TESPA1: variants seen among roughly 807,000 people sequenced by gnomAD.
TESPA1 encodes thymocyte expressed, positive selection associated 1, also known as protein TESPA1.
TESPA1 carries 33 observed loss-of-function variants against 57.9 expected under a neutral mutation model. That is an observed-to-expected ratio of 0.57 (90% CI 0.43 to 0.76). The LOEUF (loss-of-function observed/expected upper bound fraction) is 0.76. Among genes scored for constraint, TESPA1 ranks in the 30% least tolerant of loss-of-function variants. The pLI, the probability that TESPA1 is intolerant of heterozygous loss-of-function variation, is 0.00. For missense variants in TESPA1, 618 were observed against 632.9 expected, an observed-to-expected ratio of 0.98 and a Z score of 0.25; for synonymous variants, 227 against 228.9, an observed-to-expected ratio of 0.99 and a Z score of 0.07.
At chr12:54,969,564 G>A (rs932522354) in intron 3 of TESPA1, among the ~76,000 whole-genome samples, 10 of 151,990 alleles carry the variant, frequency 6.6e-5, no homozygotes, top group African/African-American at 2.4e-4. Flanking sequence ...AAAAATGGAA[G>A]CCTCCAAATC....
chr12:54,982,431 A>G (rs1294615248), intron 1 of TESPA1, among the ~76,000 whole-genome samples: 1 of 152,236 alleles, frequency 6.6e-6, no homozygotes, highest in Non-Finnish European at 1.5e-5. Flanking sequence ...TTTCTCCCAC[A>G]AATAAGCGTA....
At position 54,954,862 on chromosome 12, in the gene TESPA1, T is replaced by A. The variant is rs141255872; in HGVS notation, c.*2-4472A>T. Among the ~76,000 whole-genome samples the A allele has an allele frequency of 3.9e-3, 591 of 152,356 alleles. 1 individual carries two copies. The highest frequency in any genetic ancestry group is 0.027 in the East Asian group (141 of 5,196). On this transcript the variant is annotated intron_variant, in intron 10 of 10. Coordinates refer to ENST00000449076, the MANE Select transcript of TESPA1 (RefSeq NM_001136030.3). ...GATGGACATTAAGTTTGTTTCCACA[T>A]CTTAGTCATTGGGAATAGTGCTGCA...
Position 54,967,215 on chromosome 12 carries a change from C to G in TESPA1, c.278G>C (p.Ser93Thr). 6.2e-7 allele frequency: 1 copy of G among 1,613,030 alleles called. No homozygotes were observed. Among genetic ancestry groups the G allele is most frequent in the Non-Finnish European group, 8.5e-7 (1 of 1,179,658 alleles). The change falls in exon 5 of 11, where the codon AGC (serine) becomes ACC (threonine). Residue 93 changes from serine (S) to threonine (T), a missense_variant. This residue lies in a region of TESPA1 where 199 missense variants were observed against 184.0 expected (regional missense o/e 1.08). Coordinates refer to ENST00000449076, the MANE Select transcript of TESPA1 (RefSeq NM_001136030.3). ...IYNGFCSHGT[S>T]FEDDLTLGAE... ...TCCCAGGGTCAAGTCATCTTCAAAG[C>G]TGGTCCCATGGCTGCAGAAGCCTGT...
chr12:54,952,266 G>C (rs1470956948), intron 10 of TESPA1, among the ~76,000 whole-genome samples: 2 of 152,170 alleles, frequency 1.3e-5, no homozygotes, highest in East Asian at 1.9e-4. Flanking sequence ...CCAGCTCCCA[G>C]AACTGTAGTA....
chr12:54,960,596 C>A (rs1648120747), intron 10 of TESPA1, among the ~76,000 whole-genome samples: 2 of 152,188 alleles, frequency 1.3e-5, no homozygotes, highest in South Asian at 4.1e-4. Flanking sequence ...TACAAAACTT[C>A]TACTACAATG....
In TESPA1 at chr12:54,949,764, G is replaced by T. The variant is rs1167898310; in HGVS notation, c.*628C>A. 6.6e-6 allele frequency: 1 copy of T among 152,504 alleles called. No individual in the cohort carries two copies. Among genetic ancestry groups the T allele is most frequent in the Non-Finnish European group, 1.5e-5 (1 of 68,022 alleles). The allele number at this position is 152,504 out of a possible 1,614,324, so 9.4% of individuals were successfully genotyped here. A position where few individuals can be genotyped will look rare whatever the true frequency, so the allele number is the denominator to read the frequency against. On this transcript the variant is annotated 3_prime_UTR_variant, in exon 11 of 11. Coordinates refer to ENST00000449076, the MANE Select transcript of TESPA1 (RefSeq NM_001136030.3). ...AGATGCAAAATTTTGGGTAGAGAAA[G>T]AAACTGGATTTAAGGAGGAGTCTCC...
chr12:54,964,204 C>T (rs1234741025), intron 7 of TESPA1, among the ~76,000 whole-genome samples: 1 of 152,116 alleles, frequency 6.6e-6, no homozygotes, highest in African/African-American at 2.4e-5. Flanking sequence ...CAACTTATTG[C>T]AGACGAATAA....
At position 54,963,784 on chromosome 12, in the gene TESPA1, C is replaced by G; in HGVS notation, c.613G>C (p.Val205Leu). Residue 205 changes from valine (V) to leucine (L), a missense_variant, in exon 8 of 11, where the codon GTG becomes CTG. Coordinates refer to ENST00000449076, the MANE Select transcript of TESPA1 (RefSeq NM_001136030.3). Reference protein sequence around the residue: ...IDFQLFLKSQVRRIEMEDPCL... With the variant: ...IDFQLFLKSQLRRIEMEDPCL... Reference sequence around the variant, plus strand: ...GGGTCTTCCATTTCAATCCTCCGCACCTGGGACTTCAGGAAGAGCTGGAAA... The same window carrying G: ...GGGTCTTCCATTTCAATCCTCCGCAGCTGGGACTTCAGGAAGAGCTGGAAA... 1.2e-6 allele frequency: 2 copies of G among 1,613,852 alleles called. No individual in the cohort carries two copies. The highest frequency in any genetic ancestry group is 1.7e-6 in the Non-Finnish European group (2 of 1,179,880).
chr12:54,948,062 G>A lies in TESPA1; in HGVS notation c.*2330C>T, dbSNP rs1341210278. The A allele has an allele frequency of 6.6e-6, 1 of 152,220 alleles. No homozygotes were observed. Among genetic ancestry groups the A allele is most frequent in the Non-Finnish European group, 1.5e-5 (1 of 68,072 alleles). The allele number at this position is 152,220 out of a possible 1,614,324, so 9.4% of individuals were successfully genotyped here. ...TTAATCACCTGGGTGCAGGCAGGCT[G>A]AGTCCAAAAAGAGAGTCAGCAAAGG... is the stretch of plus-strand genomic sequence containing the variant. On this transcript the variant is annotated 3_prime_UTR_variant, in exon 11 of 11. Transcript: ENST00000449076.
intron 10 of TESPA1, among the ~76,000 whole-genome samples, chr12:54,960,820 A>G (rs1951027145): frequency 6.6e-6 from 1 of 152,224 alleles, no homozygotes; most frequent in East Asian, 1.9e-4. Context: ...TTACCAGACC[A>G]GCAGCAATAG....
chr12:54,960,030 G>A (rs1005017837), intron 10 of TESPA1, among the ~76,000 whole-genome samples: 17 of 152,106 alleles, frequency 1.1e-4, no homozygotes, highest in Admixed American at 1.1e-3. Context: ...TTGTGTGTCT[G>A]AGCAAGTACC....
Position 54,974,535 on chromosome 12 carries a change from A to T in TESPA1, c.28T>A (p.Ser10Thr). 1.9e-6 allele frequency: 3 copies of T among 1,599,410 alleles called. No individual in the cohort carries two copies. Among genetic ancestry groups the T allele is most frequent in the African/African-American group, 1.3e-5 (1 of 74,782 alleles). Reference protein sequence around the residue: MEASVLSPTSWEKRRAWLRQ... With the variant: MEASVLSPTTWEKRRAWLRQ... Reference sequence around the variant, plus strand: ...AGCCAGGCCCGCCGTTTCTCCCAGGATGTGGGGCTCAGCACAGAGGCCTCC... The same window carrying T: ...AGCCAGGCCCGCCGTTTCTCCCAGGTTGTGGGGCTCAGCACAGAGGCCTCC... Residue 10 changes from serine to threonine, a missense_variant, in exon 2 of 11, where the codon TCC becomes ACC. Coordinates refer to ENST00000449076, the MANE Select transcript of TESPA1 (RefSeq NM_001136030.3).
intron 1 of TESPA1, among the ~76,000 whole-genome samples, chr12:54,976,620 C>G (rs1241396382): frequency 6.6e-6 from 1 of 152,114 alleles, no homozygotes; most frequent in Admixed American, 6.5e-5. Flanking sequence ...ATGGTATAAC[C>G]TTGGAAAATT....
intron 3 of TESPA1, among the ~76,000 whole-genome samples, chr12:54,971,727 T>G: frequency 6.7e-6 from 1 of 150,210 alleles, no homozygotes; most frequent in East Asian, 2.0e-4. Context: ...ATATATAATG[T>G]AAAATAAAAA....
intron 7 of TESPA1, 68 bp downstream of exon 7, chr12:54,965,985 T>C: frequency 1.4e-6 from 2 of 1,459,386 alleles, no homozygotes; most frequent in Non-Finnish European, 1.9e-6. Flanking sequence ...AGGCAATGGC[T>C]CTTGGTTCCA....
At chr12:54,953,522 C>CTTTTTTTTTTTTTTTTTTTTTT (rs1178610425) in intron 10 of TESPA1, among the ~76,000 whole-genome samples, 2 of 135,366 alleles carry the variant, frequency 1.5e-5, no homozygotes, top group East Asian at 2.9e-4. Context: ...TTTTTATTTA[C>CTTTTTTTTTTTTTTTTTTTTTT]TTTTTTTTTT....
intron 1 of TESPA1, among the ~76,000 whole-genome samples, chr12:54,978,428 A>T (rs1179270497): frequency 6.6e-6 from 1 of 152,236 alleles, no homozygotes; most frequent in African/African-American, 2.4e-5. Flanking sequence ...TAATTTATTT[A>T]GGTGAGTTTG....
chr12:54,971,779 A>G (rs1013857494), intron 3 of TESPA1, among the ~76,000 whole-genome samples: 8 of 152,142 alleles, frequency 5.3e-5, no homozygotes, highest in African/African-American at 1.9e-4. Context: ...TTTTACTTCT[A>G]AAGTCAATTC....
At chr12:54,972,804 T>C (rs1465670323) in intron 3 of TESPA1, among the ~76,000 whole-genome samples, 4 of 152,204 alleles carry the variant, frequency 2.6e-5, no homozygotes, top group African/African-American at 4.8e-5. Context: ...ACTTGAGCCA[T>C]TCCTGGAGGG....
Sources: gnomAD v4.1 joint callset for allele counts (sites outside exome capture counted in the v4.1 genomes callset) on GRCh38, gnomAD v4.1.1 for gene constraint, gnomAD v4.1.1 regional missense constraint, MANE v1.5 for transcripts, NCBI Gene and HGNC (gene_info 2026-07-23, HGNC 2026-07-21) for gene names.